Variants in MGAT5 observed in about 807,000 individuals in gnomAD.
MGAT5 encodes the protein alpha-1,6-mannosylglycoprotein 6-beta-N-acetylglucosaminyltransferase, also known as alpha-1,6-mannosylglycoprotein 6-beta-N-acetylglucosaminyltransferase A.
Under a neutral mutation model 94.3 loss-of-function variants are expected in MGAT5, and 30 were observed. The observed-to-expected ratio is 0.32, with a 90% confidence interval of 0.24 to 0.43. The LOEUF (loss-of-function observed/expected upper bound fraction) is 0.43, where lower values mean the gene tolerates loss of function less well. MGAT5 is among the 20% of genes least tolerant of loss of function. The probability of loss-of-function intolerance (pLI) is 1.00; values close to 1 mark genes in which losing one functional copy is unlikely to be tolerated. For synonymous variants in MGAT5, 310 were observed against 322.9 expected (o/e 0.96, Z 0.43); for missense variants, 691 against 905.5 (o/e 0.76, Z 3.04).
chr2:134,337,258 T>G (rs953528458), intron 5 of MGAT5, among the ~76,000 whole-genome samples: 52 of 152,180 alleles, frequency 3.4e-4, no homozygotes, highest in African/African-American at 1.1e-3. Flanking sequence ...GAGGATTGCT[T>G]GAGGCCAGCC....
chr2:134,446,175 C>G (rs759254045), intron 15 of MGAT5, among the ~76,000 whole-genome samples: 23 of 152,056 alleles, frequency 1.5e-4, no homozygotes, highest in Non-Finnish European at 2.5e-4. Flanking sequence ...TGTGCATCAC[C>G]CCAGGCAGGC....
chr2:134,424,492 G>T (rs1432354908), intron 13 of MGAT5, among the ~76,000 whole-genome samples: 1 of 152,184 alleles, frequency 6.6e-6, no homozygotes, highest in East Asian at 1.9e-4. Context: ...GCTGATAAAA[G>T]AAGTGCCAAA....
intron 1 of MGAT5, among the ~76,000 whole-genome samples, chr2:134,219,829 C>T (rs939156453): frequency 2.6e-5 from 4 of 152,158 alleles, no homozygotes; most frequent in African/African-American, 4.8e-5. Context: ...AAATCTTGTT[C>T]CTGCCTCCTG....
At chr2:134,439,763 C>G (rs1456254716) in intron 14 of MGAT5, among the ~76,000 whole-genome samples, 2 of 152,182 alleles carry the variant, frequency 1.3e-5, no homozygotes, top group Non-Finnish European at 2.9e-5. Flanking sequence ...AGTATGCCCT[C>G]TGGATGCAGC....
At chr2:134,362,469 A>T (rs1010356835) in intron 10 of MGAT5, 61 bp downstream of exon 10, 6 of 1,580,118 alleles carry the variant, frequency 3.8e-6, no homozygotes, top group Middle Eastern at 1.7e-4. Context: ...ATTTAATTTA[A>T]CTTTGATCCA....
intron 11 of MGAT5, among the ~76,000 whole-genome samples, chr2:134,409,332 C>T (rs778889815): frequency 6.8e-4 from 103 of 152,226 alleles, no homozygotes; most frequent in Admixed American, 1.6e-3. Flanking sequence ...GCTTGTTACC[C>T]GGACTAAGGT....
At chr2:134,288,550 T>C (rs1685153383) in intron 2 of MGAT5, among the ~76,000 whole-genome samples, 1 of 151,870 alleles carries the variant, frequency 6.6e-6, no homozygotes, top group Admixed American at 6.6e-5. Context: ...CTGAAGTAGA[T>C]GTTTGTTTGT....
intron 12 of MGAT5, among the ~76,000 whole-genome samples, chr2:134,417,284 A>G (rs1380826099): frequency 3.3e-5 from 5 of 152,178 alleles, no homozygotes; most frequent in Admixed American, 6.5e-5. Context: ...ACTACAGTAC[A>G]GTGGTCAAAA....
chr2:134,124,673 T>C (rs979284238), intron 1 of MGAT5, among the ~76,000 whole-genome samples: 1 of 152,220 alleles, frequency 6.6e-6, no homozygotes, highest in African/African-American at 2.4e-5. Context: ...ATTTCTCCAC[T>C]CTATTTCCTG....
intron 1 of MGAT5, among the ~76,000 whole-genome samples, chr2:134,145,214 C>CTCTCTCTG (rs373377770): frequency 5.4e-4 from 77 of 143,868 alleles, no homozygotes; most frequent in African/African-American, 1.8e-3. Context: ...GTCTCTCTCT[C>CTCTCTCTG]TGTGTGTGTG....
chr2:134,127,503 C>G lies in MGAT5; in HGVS notation c.-143+7212C>G, dbSNP rs191019421. On this transcript the variant is annotated intron_variant, in intron 1 of 16. Transcript: ENST00000409645. ...CCTTCAAGGAAAAGGTTTCCCCCCC[C>G]CCCAGGCTTGTTCCAACCCCCCCAA... Among the ~76,000 whole-genome samples the G allele has an allele frequency of 1.2e-3, 158 of 126,700 alleles. 4 individuals are homozygous for G. Among genetic ancestry groups the G allele is most frequent in the East Asian group, 2.9e-3 (10 of 3,410 alleles). The allele number at this position is 126,700 out of a possible 152,430, so 83.1% of individuals were successfully genotyped here. A position where few individuals can be genotyped will look rare whatever the true frequency, so the allele number is the denominator to read the frequency against.
At chr2:134,178,015 A>G (rs899518202) in intron 1 of MGAT5, among the ~76,000 whole-genome samples, 1 of 152,170 alleles carries the variant, frequency 6.6e-6, no homozygotes. Context: ...AATAGCTGTA[A>G]TATTTGCATA....
At chr2:134,254,727 C>T (rs1682825004) in intron 1 of MGAT5, 83 bp downstream of exon 1, 3 of 1,540,356 alleles carry the variant, frequency 1.9e-6, no homozygotes, top group Admixed American at 3.7e-5. Flanking sequence ...ATGGTCTTGT[C>T]ATGGACTGAA....
chr2:134,369,250 T>G (rs1680631785), intron 10 of MGAT5, among the ~76,000 whole-genome samples: 1 of 152,194 alleles, frequency 6.6e-6, no homozygotes, highest in Admixed American at 6.5e-5. Context: ...CCTGTGTTCT[T>G]TGCTGACCCC....
At chr2:134,247,093 G>A (rs114271560) in intron 1 of MGAT5, among the ~76,000 whole-genome samples, 175 of 152,224 alleles carry the variant, frequency 1.1e-3, no homozygotes, top group African/African-American at 4.1e-3. Context: ...AATTATGAAT[G>A]GGAGTGGCTA....
intron 1 of MGAT5, among the ~76,000 whole-genome samples, chr2:134,183,150 T>C (rs1688832471): frequency 6.6e-6 from 1 of 152,186 alleles, no homozygotes; most frequent in Admixed American, 6.5e-5. Flanking sequence ...TTTGAAATAT[T>C]CCCAAATGTG....
intron 4 of MGAT5, among the ~76,000 whole-genome samples, chr2:134,322,325 C>T (rs1392449130): frequency 1.3e-5 from 2 of 152,138 alleles, no homozygotes; most frequent in African/African-American, 4.8e-5. Flanking sequence ...GATCCTTTGA[C>T]TTCTGGTAAT....
At chr2:134,413,112 G>A in intron 12 of MGAT5, 97 bp downstream of exon 12, 3 of 1,380,252 alleles carry the variant, frequency 2.2e-6, no homozygotes, top group Non-Finnish European at 3.0e-6. Flanking sequence ...ACATGATTGG[G>A]TGGGAGGGTG....
chr2:134,216,809 G>A (rs186217812), intron 1 of MGAT5, among the ~76,000 whole-genome samples: 1 of 152,308 alleles, frequency 6.6e-6, no homozygotes, highest in East Asian at 1.9e-4. Flanking sequence ...AGGTGAGAGT[G>A]GGATCCTGAG....
Sources: gnomAD v4.1 joint callset for allele counts (sites outside exome capture counted in the v4.1 genomes callset) on GRCh38, gnomAD v4.1.1 for gene constraint, MANE v1.5 for transcripts, NCBI Gene and HGNC (gene_info 2026-07-23, HGNC 2026-07-21) for gene names.